LRMDA: variants seen among roughly 807,000 people sequenced by gnomAD.
LRMDA encodes the protein leucine-rich melanocyte differentiation-associated protein.
A neutral mutation model predicts 29.8 loss-of-function variants in LRMDA; 18 were observed. The ratio of observed to expected loss-of-function variants is 0.60; its 90% CI spans 0.42 to 0.90. The LOEUF (loss-of-function observed/expected upper bound fraction) is 0.90. LRMDA is among the 40% of genes least tolerant of loss of function. The pLI is 0.00. For missense variants in LRMDA, 273 were observed against 273.9 expected, an observed-to-expected ratio of 1.00 and a Z score of 0.02; for synonymous variants, 125 against 109.4, an observed-to-expected ratio of 1.14 and a Z score of -0.89.
intron 6 of LRMDA, among the ~76,000 whole-genome samples, chr10:76,340,039 C>T (rs1431299985): frequency 6.6e-6 from 1 of 151,958 alleles, no homozygotes; most frequent in Non-Finnish European, 1.5e-5. Flanking sequence ...ATAAAGGAAT[C>T]CTCCATGAGA....
intron 5 of LRMDA, among the ~76,000 whole-genome samples, chr10:76,102,289 A>G (rs1162517060): frequency 1.3e-5 from 2 of 152,150 alleles, no homozygotes; most frequent in Non-Finnish European, 2.9e-5. Flanking sequence ...GGTTTTTTAC[A>G]TAGGTAAACC....
At chr10:76,095,176 G>A (rs2132095530) in intron 5 of LRMDA, among the ~76,000 whole-genome samples, 1 of 152,268 alleles carries the variant, frequency 6.6e-6, no homozygotes, top group African/African-American at 2.4e-5. Context: ...TCCTGGCAAT[G>A]CTGATTCTAT....
chr10:75,697,524 G>A (rs1322780532), intron 2 of LRMDA, among the ~76,000 whole-genome samples: 2 of 150,160 alleles, frequency 1.3e-5, no homozygotes. Flanking sequence ...TTTTCTTGAG[G>A]TCAGAATTAC....
chr10:76,187,532 G>A (rs1346135163), intron 5 of LRMDA, among the ~76,000 whole-genome samples: 3 of 152,136 alleles, frequency 2.0e-5, no homozygotes, highest in South Asian at 2.1e-4. Context: ...TAATCATTTT[G>A]AGCTTCAATT....
At chr10:76,504,574 C>T (rs1383117363) in intron 6 of LRMDA, among the ~76,000 whole-genome samples, 2 of 152,034 alleles carry the variant, frequency 1.3e-5, no homozygotes, top group East Asian at 3.9e-4. Flanking sequence ...GTCCTTCTTT[C>T]TGCTTTTTGT....
chr10:75,895,226 G>A (rs1845562595), intron 2 of LRMDA, among the ~76,000 whole-genome samples: 1 of 152,174 alleles, frequency 6.6e-6, no homozygotes, highest in South Asian at 2.1e-4. Flanking sequence ...GGGGAAAGTG[G>A]TGTTTTAAGG....
At chr10:76,211,793 G>A (rs1215211040) in intron 5 of LRMDA, among the ~76,000 whole-genome samples, 2 of 152,188 alleles carry the variant, frequency 1.3e-5, no homozygotes, top group Admixed American at 1.3e-4. Context: ...GTGAGAACTG[G>A]CTCTGTGACT....
At chr10:75,899,442 C>T (rs1845634989) in intron 2 of LRMDA, among the ~76,000 whole-genome samples, 3 of 152,188 alleles carry the variant, frequency 2.0e-5, no homozygotes, top group South Asian at 4.1e-4. Flanking sequence ...TCTTCAGATG[C>T]GCTAGCATAG....
intron 2 of LRMDA, among the ~76,000 whole-genome samples, chr10:75,917,090 C>G (rs1033036051): frequency 3.9e-5 from 6 of 152,124 alleles, no homozygotes; most frequent in African/African-American, 1.4e-4. Context: ...TGTGTAGAGG[C>G]AGTGGCAGGG....
chr10:75,579,043 G>T (rs570008680), intron 2 of LRMDA, among the ~76,000 whole-genome samples: 6 of 152,108 alleles, frequency 3.9e-5, no homozygotes, highest in African/African-American at 1.4e-4. Context: ...AAATCTAGCA[G>T]AAGGCAAGAA....
At chr10:75,912,005 G>C (rs1376444468) in intron 2 of LRMDA, among the ~76,000 whole-genome samples, 3 of 152,298 alleles carry the variant, frequency 2.0e-5, no homozygotes, top group Middle Eastern at 6.8e-3. Flanking sequence ...CAGGGAAGGT[G>C]ATAAGGCCAG....
chr10:75,837,214 A>G (rs1334548225), intron 2 of LRMDA, among the ~76,000 whole-genome samples: 1 of 152,160 alleles, frequency 6.6e-6, no homozygotes. Context: ...AGAATATAGC[A>G]AAATATTCAT....
chr10:76,030,132 T>A (rs1848125288), intron 2 of LRMDA, among the ~76,000 whole-genome samples: 1 of 152,182 alleles, frequency 6.6e-6, no homozygotes, highest in African/African-American at 2.4e-5. Flanking sequence ...GATGTCAGTG[T>A]ACACTCTGTC....
intron 5 of LRMDA, among the ~76,000 whole-genome samples, chr10:76,300,034 G>A (rs1840461543): frequency 6.6e-6 from 1 of 152,126 alleles, no homozygotes; most frequent in South Asian, 2.1e-4. Context: ...TGGCATAATA[G>A]GTATGAAAGA....
intron 5 of LRMDA, among the ~76,000 whole-genome samples, chr10:76,257,841 G>T (rs1033772568): frequency 4.6e-5 from 7 of 152,170 alleles, no homozygotes; most frequent in African/African-American, 1.7e-4. Flanking sequence ...CTTGGTTGGG[G>T]CTGGATGGTC....
intron 2 of LRMDA, among the ~76,000 whole-genome samples, chr10:75,906,893 T>C (rs1845768373): frequency 6.6e-6 from 1 of 152,178 alleles, no homozygotes; most frequent in African/African-American, 2.4e-5. Flanking sequence ...GAACAGGTAA[T>C]TGAGACACCG....
At chr10:76,521,787 C>A (rs573880808) in intron 6 of LRMDA, among the ~76,000 whole-genome samples, 1 of 152,148 alleles carries the variant, frequency 6.6e-6, no homozygotes, top group South Asian at 2.1e-4. Flanking sequence ...GCATTTTGCC[C>A]CAATTCTCTG....
intron 2 of LRMDA, among the ~76,000 whole-genome samples, chr10:75,920,438 G>C (rs1846007865): frequency 1.3e-5 from 2 of 152,168 alleles, no homozygotes; most frequent in African/African-American, 4.8e-5. Flanking sequence ...GAAAATGAAG[G>C]ACAGAGGTCT....
intron 2 of LRMDA, among the ~76,000 whole-genome samples, chr10:75,578,795 C>T (rs543648421): frequency 3.7e-5 from 5 of 133,336 alleles, no homozygotes; most frequent in Middle Eastern, 4.3e-3. Flanking sequence ...GACTACTGGG[C>T]AAATGATGAA....
Sources: allele counts gnomAD v4.1 joint callset (sites outside exome capture counted in the v4.1 genomes callset), GRCh38; gene constraint gnomAD v4.1.1; transcripts MANE v1.5; gene names NCBI Gene and HGNC (gene_info 2026-07-23, HGNC 2026-07-21).